Variants in POU6F2 observed in about 807,000 individuals in gnomAD.
POU6F2 encodes the protein POU class 6 homeobox 2.
Under a neutral mutation model 71.3 loss-of-function variants are expected in POU6F2, and 31 were observed. The ratio of observed to expected loss-of-function variants is 0.43; its 90% CI spans 0.33 to 0.59. The LOEUF is 0.59. Ranked by LOEUF, POU6F2 falls within the 20% of genes least tolerant of loss-of-function variation. The pLI is 0.04. For missense variants in POU6F2, 783 were observed against 856.8 expected (o/e 0.91, Z 1.07); for synonymous variants, 347 against 355.7 (o/e 0.98, Z 0.27).
intron 5 of POU6F2, among the ~76,000 whole-genome samples, chr7:39,349,832 G>A (rs1164073534): frequency 6.6e-6 from 1 of 152,174 alleles, no homozygotes; most frequent in Non-Finnish European, 1.5e-5. Flanking sequence ...CACCAGTCCT[G>A]GGGCCCTGTG....
chr7:39,315,532 T>C (rs566060080), intron 4 of POU6F2, among the ~76,000 whole-genome samples: 3 of 152,348 alleles, frequency 2.0e-5, no homozygotes, highest in Non-Finnish European at 4.4e-5. Context: ...CACTGGTTTA[T>C]GGTCAGTTCC....
intron 2 of POU6F2, among the ~76,000 whole-genome samples, chr7:39,097,496 A>G (rs1791478489): frequency 6.6e-6 from 1 of 152,100 alleles, no homozygotes; most frequent in African/African-American, 2.4e-5. Context: ...TGGATTTCTC[A>G]CTTTTGTGCC....
intron 4 of POU6F2, among the ~76,000 whole-genome samples, chr7:39,245,162 T>A (rs1023473681): frequency 2.6e-5 from 4 of 152,206 alleles, no homozygotes; most frequent in African/African-American, 9.7e-5. Context: ...ATCACAGAAA[T>A]GAGTATCTTT....
chr7:39,292,316 C>T (rs895839803), intron 4 of POU6F2, among the ~76,000 whole-genome samples: 10 of 152,160 alleles, frequency 6.6e-5, no homozygotes, highest in Non-Finnish European at 8.8e-5. Context: ...ATCCATTCCC[C>T]GTCCACGGGC....
At chr7:39,266,504 G>C (rs1784244747) in intron 4 of POU6F2, among the ~76,000 whole-genome samples, 1 of 152,038 alleles carries the variant, frequency 6.6e-6, no homozygotes, top group African/African-American at 2.4e-5. Flanking sequence ...GCATCTCCCT[G>C]TGTGGTGATT....
At chr7:39,162,836 G>A (rs868768850) in intron 2 of POU6F2, among the ~76,000 whole-genome samples, 40 of 152,182 alleles carry the variant, frequency 2.6e-4, no homozygotes, top group Middle Eastern at 3.4e-3. Flanking sequence ...GTATCATTCC[G>A]AAAACTGAGT....
chr7:39,040,101 GTATA>G lies in POU6F2; in HGVS notation c.106-45755_106-45752del, dbSNP rs142000087. ...ATACATATATATGTATTATATATATGTATATATTATATACATTTATATATATATA... is the reference window on the plus strand; with the variant it reads ...ATACATATATATGTATTATATATATGTATTATATACATTTATATATATATA... On this transcript the variant is annotated intron_variant, in intron 1 of 9. Transcript: ENST00000518318. Among the ~76,000 whole-genome samples, 3 of 9,042 alleles carry G rather than the reference GTATA, an allele frequency of 3.3e-4. 1 individual carries two copies. Among genetic ancestry groups the G allele is most frequent in the Admixed American group, 3.7e-3 (2 of 540 alleles). The allele number at this position is 9,042 out of a possible 152,430, so 5.9% of individuals were successfully genotyped here.
chr7:39,181,453 C>T (rs1343282163), intron 2 of POU6F2, among the ~76,000 whole-genome samples: 2 of 152,220 alleles, frequency 1.3e-5, no homozygotes, highest in African/African-American at 4.8e-5. Flanking sequence ...CATCATCTCT[C>T]AGTGCTATCT....
intron 2 of POU6F2, among the ~76,000 whole-genome samples, chr7:39,109,836 G>C (rs1791767578): frequency 6.6e-6 from 1 of 152,170 alleles, no homozygotes; most frequent in Admixed American, 6.5e-5. Context: ...GATCGAAGTA[G>C]CTCTTGAAAA....
intron 6 of POU6F2, among the ~76,000 whole-genome samples, chr7:39,419,115 A>ATATGTGTATATATACACATATATACG (rs1787782165): frequency 8.9e-5 from 5 of 56,254 alleles, no homozygotes; most frequent in Non-Finnish European, 1.9e-4. Flanking sequence ...ATATATACGT[A>ATATGTGTATATATACACATATATACG]TATATGTGTA....
At position 39,451,595 on chromosome 7, in the gene POU6F2, G is replaced by A; in HGVS notation, c.1383G>A (p.Leu461=). 6.2e-7 allele frequency: 1 copy of A among 1,613,748 alleles called. No individual in the cohort carries two copies. Among genetic ancestry groups the A allele is most frequent in the Non-Finnish European group, 8.5e-7 (1 of 1,179,806 alleles). The part of the protein sequence containing the change: ...QAASQGNLLH[L]AHSQASMSQS... ...CCTCCCAAGGCAACCTTCTGCACCT[G>A]GCTCACAGCCAAGCATCCATGTCTC... Residue 461 remains leucine, a synonymous_variant, in exon 8 of 10, where the codon CTG becomes CTA. Coordinates refer to ENST00000518318, the MANE Select transcript of POU6F2 (RefSeq NM_001370959.1).
At chr7:39,134,001 A>T (rs972084494) in intron 2 of POU6F2, among the ~76,000 whole-genome samples, 17 of 152,046 alleles carry the variant, frequency 1.1e-4, no homozygotes, top group Non-Finnish European at 2.1e-4. Flanking sequence ...CAGCCTCCTG[A>T]GTAGCTGGAA....
intron 4 of POU6F2, among the ~76,000 whole-genome samples, chr7:39,311,680 TAG>T (rs1231345462): frequency 1.3e-5 from 2 of 152,050 alleles, no homozygotes; most frequent in African/African-American, 4.8e-5. Flanking sequence ...GGTATAAACA[TAG>T]AGAGAGAGCA....
In POU6F2 at chr7:39,002,495, G is replaced by A. The variant is rs992259707; in HGVS notation, c.105+24437G>A. Among the ~76,000 whole-genome samples the A allele has an allele frequency of 2.6e-5, 4 of 152,132 alleles. No individual in the cohort carries two copies. In the East Asian group the frequency reaches 5.8e-4, roughly 22 times the overall value. Reference sequence around the variant, plus strand: ...CCCAAGGGGCTGGGACTACAGGCACGTGCCGCTATGCCTGGCTAATTTTTA... The same window carrying A: ...CCCAAGGGGCTGGGACTACAGGCACATGCCGCTATGCCTGGCTAATTTTTA... On this transcript the variant is annotated intron_variant, in intron 1 of 9. Coordinates refer to ENST00000518318, the MANE Select transcript of POU6F2 (RefSeq NM_001370959.1).
intron 6 of POU6F2, among the ~76,000 whole-genome samples, chr7:39,408,855 G>A (rs1361986958): frequency 6.6e-6 from 1 of 152,172 alleles, no homozygotes; most frequent in Non-Finnish European, 1.5e-5. Context: ...TTGATGTTCA[G>A]AATATAAACC....
chr7:39,148,535 A>G (rs1018594469), intron 2 of POU6F2, among the ~76,000 whole-genome samples: 10 of 152,166 alleles, frequency 6.6e-5, no homozygotes, highest in African/African-American at 2.2e-4. Flanking sequence ...TGATGATGAT[A>G]GTGATAATGG....
rs35166996 is a variant in POU6F2 at position 39,156,136 on chromosome 7, T to G, written c.278-48099T>G. ...CTAAATGACCAGGTAAAATCCAGAT[T>G]GTGAGTTTCTTGCCTAACACAGGAA... is the stretch of plus-strand genomic sequence containing the variant. On this transcript the variant is annotated intron_variant, in intron 2 of 9. Coordinates refer to ENST00000518318, the MANE Select transcript of POU6F2 (RefSeq NM_001370959.1). Among the ~76,000 whole-genome samples, 1,411 of 152,298 alleles carry G rather than the reference T, an allele frequency of 9.3e-3. 24 individuals carry two copies. Among genetic ancestry groups the G allele is most frequent in the African/African-American group, 0.033 (1,351 of 41,564 alleles).
At chr7:39,144,180 T>A (rs930423123) in intron 2 of POU6F2, among the ~76,000 whole-genome samples, 7 of 152,140 alleles carry the variant, frequency 4.6e-5, no homozygotes, top group Non-Finnish European at 1.0e-4. Flanking sequence ...AACTACTGTA[T>A]CTCCTTGCTT....
At position 39,460,521 on chromosome 7, in the gene POU6F2, T is replaced by G; in HGVS notation, c.1490-26T>G. 1 of 1,610,332 alleles carries G rather than the reference T, an allele frequency of 6.2e-7. No homozygotes were observed. The highest frequency in any genetic ancestry group is 8.5e-7 in the Non-Finnish European group (1 of 1,177,984). On this transcript the variant is annotated intron_variant, in intron 8 of 9. Transcript: ENST00000518318. The surrounding 1 kb of genome is among the most constrained non-coding windows in gnomAD (Gnocchi z 4.4). Reference sequence around the variant, plus strand: ...GCTCGGCTGTGTGTTGACGTATTGATCCTATTTTTAAAAACATCTCCACAG... The same window carrying G: ...GCTCGGCTGTGTGTTGACGTATTGAGCCTATTTTTAAAAACATCTCCACAG...
Sources: gnomAD v4.1 joint callset for allele counts (sites outside exome capture counted in the v4.1 genomes callset) on GRCh38, gnomAD v4.1.1 for gene constraint, Gnocchi (gnomAD v3.1) non-coding constraint, MANE v1.5 for transcripts, NCBI Gene and HGNC (gene_info 2026-07-23, HGNC 2026-07-21) for gene names.